Variants in CCDC85A observed in about 807,000 individuals in gnomAD.
CCDC85A encodes the protein coiled-coil domain-containing protein 85A.
A neutral mutation model predicts 50.2 loss-of-function variants in CCDC85A; 38 were observed. That is an observed-to-expected ratio of 0.76 (90% CI 0.58 to 0.99). CCDC85A has a LOEUF of 0.99. Ranked by LOEUF, CCDC85A falls within the 50% of genes least tolerant of loss-of-function variation. CCDC85A has a pLI of 0.00. For synonymous variants in CCDC85A, 366 were observed against 301.4 expected, an observed-to-expected ratio of 1.21 and a Z score of -2.22; for missense variants, 820 against 742.0, an observed-to-expected ratio of 1.11 and a Z score of -1.22.
chr2:56,331,209 A>T (rs559572940), intron 2 of CCDC85A, among the ~76,000 whole-genome samples: 1 of 152,198 alleles, frequency 6.6e-6, no homozygotes, highest in East Asian at 1.9e-4. Context: ...GAATAATAAT[A>T]AACATTGGAG....
intron 5 of CCDC85A, among the ~76,000 whole-genome samples, chr2:56,376,716 G>A (rs141230471): frequency 6.6e-6 from 1 of 152,112 alleles, no homozygotes; most frequent in East Asian, 1.9e-4. Flanking sequence ...AATTGAGATG[G>A]TTTCTTGAAA....
At chr2:56,317,857 A>G (rs1204820204) in intron 2 of CCDC85A, among the ~76,000 whole-genome samples, 7 of 152,070 alleles carry the variant, frequency 4.6e-5, no homozygotes, top group Admixed American at 4.6e-4. Flanking sequence ...GCCTTTATGT[A>G]TGAAGTTGGG....
At chr2:56,241,135 A>G (rs986593179) in intron 2 of CCDC85A, among the ~76,000 whole-genome samples, 7 of 152,150 alleles carry the variant, frequency 4.6e-5, no homozygotes, top group African/African-American at 1.7e-4. Flanking sequence ...GACCATTTGC[A>G]TATGTTGTTT....
chr2:56,192,021 C>A lies in CCDC85A; in HGVS notation c.277-456C>A, dbSNP rs565549141. ...TAGTGACTGATTTCTTGATAATGAA[C>A]TGGTTGCTCCCTAACTACTGACCAG... On this transcript the variant is annotated intron_variant, in intron 1 of 5. Transcript: ENST00000407595. This position sits in a 1 kb window ranked among gnomAD's most constrained non-coding sequence, Gnocchi z 4.7. 3.9e-5 allele frequency among the ~76,000 whole-genome samples: 6 copies of A among 152,232 alleles called. No homozygotes were observed. The South Asian group carries it at 1.2e-3, about 32-fold the overall frequency.
At chr2:56,278,020 G>T (rs1210395653) in intron 2 of CCDC85A, among the ~76,000 whole-genome samples, 2 of 152,174 alleles carry the variant, frequency 1.3e-5, no homozygotes, top group Non-Finnish European at 2.9e-5. Context: ...GGGAGATGAG[G>T]CTGGGGAGGC....
intron 2 of CCDC85A, among the ~76,000 whole-genome samples, chr2:56,332,861 A>G (rs1673882912): frequency 6.6e-6 from 1 of 152,184 alleles, no homozygotes; most frequent in Non-Finnish European, 1.5e-5. Context: ...TCATTACAGA[A>G]TTGGAATTAG....
chr2:56,346,691 T>C (rs948763373), intron 3 of CCDC85A, among the ~76,000 whole-genome samples: 22 of 152,364 alleles, frequency 1.4e-4, no homozygotes, highest in Admixed American at 3.9e-4. Flanking sequence ...TTATTATTAT[T>C]GAGAAGAAAA....
chr2:56,305,811 G>A (rs1672417808), intron 2 of CCDC85A, among the ~76,000 whole-genome samples: 1 of 152,190 alleles, frequency 6.6e-6, no homozygotes, highest in South Asian at 2.1e-4. Flanking sequence ...ATTTATTTCA[G>A]TACAGCTTAC....
At chr2:56,216,376 C>T (rs1292753744) in intron 2 of CCDC85A, among the ~76,000 whole-genome samples, 3 of 151,636 alleles carry the variant, frequency 2.0e-5, no homozygotes, top group Non-Finnish European at 4.4e-5. Context: ...TTACCAACAA[C>T]GACTATATAT....
At chr2:56,358,450 T>C (rs1675345954) in intron 3 of CCDC85A, among the ~76,000 whole-genome samples, 1 of 152,216 alleles carries the variant, frequency 6.6e-6, no homozygotes, top group African/African-American at 2.4e-5. Flanking sequence ...TCCAGAAATG[T>C]CCCAGACTAT....
chr2:56,363,314 G>T (rs10172122), intron 3 of CCDC85A, among the ~76,000 whole-genome samples: 3,747 of 152,136 alleles, frequency 0.025, 128 homozygotes, highest in African/African-American at 0.083. Flanking sequence ...AGGCTACACT[G>T]CCTGGATTCT....
chr2:56,279,680 T>A (rs577859428), intron 2 of CCDC85A, among the ~76,000 whole-genome samples: 1 of 152,318 alleles, frequency 6.6e-6, no homozygotes, highest in South Asian at 2.1e-4. Flanking sequence ...TGGTATTTAT[T>A]TTTCTGTGCC....
At chr2:56,298,536 GA>G (rs1353872283) in intron 2 of CCDC85A, among the ~76,000 whole-genome samples, 2 of 152,150 alleles carry the variant, frequency 1.3e-5, no homozygotes, top group East Asian at 1.9e-4. Flanking sequence ...AAATTCTTAA[GA>G]AAAAACTTTC....
chr2:56,189,972 G>T (rs1276599246), intron 1 of CCDC85A, among the ~76,000 whole-genome samples: 1 of 152,210 alleles, frequency 6.6e-6, no homozygotes, highest in Non-Finnish European at 1.5e-5. Flanking sequence ...TAGAAGCAAA[G>T]GAACAGAGTT....
chr2:56,307,440 G>C (rs1376846732), intron 2 of CCDC85A, among the ~76,000 whole-genome samples: 1 of 152,144 alleles, frequency 6.6e-6, no homozygotes, highest in Non-Finnish European at 1.5e-5. Flanking sequence ...CTAACCCAGT[G>C]ATAGGAGGTA....
chr2:56,282,193 C>G (rs1671236895), intron 2 of CCDC85A, among the ~76,000 whole-genome samples: 1 of 151,948 alleles, frequency 6.6e-6, no homozygotes, highest in Non-Finnish European at 1.5e-5. Flanking sequence ...CATTGAATTA[C>G]CTTGGCACCC....
At chr2:56,328,821 A>G (rs140165384) in intron 2 of CCDC85A, among the ~76,000 whole-genome samples, 3 of 152,194 alleles carry the variant, frequency 2.0e-5, no homozygotes, top group East Asian at 1.9e-4. Context: ...GCCCTGGCTC[A>G]TGCACAACCC....
intron 2 of CCDC85A, among the ~76,000 whole-genome samples, chr2:56,277,807 G>A (rs1347461478): frequency 6.6e-6 from 1 of 152,186 alleles, no homozygotes; most frequent in Non-Finnish European, 1.5e-5. Context: ...ATGCCATAAT[G>A]TAGTGAAAGT....
chr2:56,204,463 C>T (rs1676878890), intron 2 of CCDC85A, among the ~76,000 whole-genome samples: 1 of 152,068 alleles, frequency 6.6e-6, no homozygotes, highest in South Asian at 2.1e-4. Context: ...AACATAAAAG[C>T]CACAGTGTTA....
Sources: gnomAD v4.1 joint callset for allele counts (sites outside exome capture counted in the v4.1 genomes callset) on GRCh38, gnomAD v4.1.1 for gene constraint, Gnocchi (gnomAD v3.1) non-coding constraint, MANE v1.5 for transcripts, NCBI Gene and HGNC (gene_info 2026-07-23, HGNC 2026-07-21) for gene names.